The following MICU3 variants were observed in gnomAD, a reference collection of about 807,000 sequenced individuals.
The protein encoded by MICU3 is mitochondrial calcium uptake 3.
Under a neutral mutation model 66.5 loss-of-function variants are expected in MICU3, and 62 were observed. The observed-to-expected ratio is 0.93, with a 90% CI of 0.76 to 1.15. The LOEUF is 1.15. MICU3 is among the 50% of genes most tolerant of loss of function. The pLI is 0.00. For synonymous variants in MICU3, 308 were observed against 240.7 expected, an observed-to-expected ratio of 1.28 and a Z score of -2.59; for missense variants, 779 against 664.4, an observed-to-expected ratio of 1.17 and a Z score of -1.90.
chr8:17,056,882 G>A (rs1206402001), intron 1 of MICU3, among the ~76,000 whole-genome samples: 3 of 152,198 alleles, frequency 2.0e-5, no homozygotes, highest in Non-Finnish European at 4.4e-5. Flanking sequence ...AAGTATTGGA[G>A]TCATCGCCAG....
chr8:17,059,483 ACAT>A (rs1312310165), intron 1 of MICU3, among the ~76,000 whole-genome samples: 1 of 152,210 alleles, frequency 6.6e-6, no homozygotes, highest in East Asian at 1.9e-4. Context: ...ATAATATTCA[ACAT>A]CATTTTTATA....
intron 8 of MICU3, among the ~76,000 whole-genome samples, chr8:17,096,767 G>T (rs1448146758): frequency 6.6e-6 from 1 of 151,704 alleles, no homozygotes; most frequent in Non-Finnish European, 1.5e-5. Flanking sequence ...AATTTGAAAA[G>T]TTGTATATTA....
chr8:17,096,252 A>C (rs934470914), intron 8 of MICU3, among the ~76,000 whole-genome samples: 6 of 151,912 alleles, frequency 3.9e-5, no homozygotes, highest in African/African-American at 1.4e-4. Flanking sequence ...GCCTTTCCTT[A>C]CTTAGCCTGT....
intron 1 of MICU3, among the ~76,000 whole-genome samples, chr8:17,063,469 G>C (rs1304842290): frequency 1.3e-5 from 2 of 152,032 alleles, no homozygotes; most frequent in Non-Finnish European, 2.9e-5. Flanking sequence ...TTACTTCAGA[G>C]AGAAAATAAC....
intron 11 of MICU3, 56 bp from the exon 12 acceptor site, chr8:17,114,037 T>A (rs878868931): frequency 9.7e-7 from 1 of 1,033,426 alleles, no homozygotes; most frequent in Non-Finnish European, 1.4e-6. Flanking sequence ...GTGTAGATCC[T>A]GATTTTAATA....
intron 1 of MICU3, among the ~76,000 whole-genome samples, chr8:17,049,179 A>T (rs1815632843): frequency 6.6e-6 from 1 of 152,182 alleles, no homozygotes; most frequent in African/African-American, 2.4e-5. Flanking sequence ...TAACCCATTT[A>T]TGCCTAGTGT....
chr8:17,137,687 G>A, the MICU3 span, among the ~76,000 whole-genome samples: 1 of 142,746 alleles, frequency 7.0e-6, no homozygotes, highest in Non-Finnish European at 1.5e-5. Flanking sequence ...ACAAGGGAAA[G>A]AGTAATATTT....
At chr8:17,040,480 G>T (rs1016992869) in intron 1 of MICU3, among the ~76,000 whole-genome samples, 29 of 152,180 alleles carry the variant, frequency 1.9e-4, no homozygotes, top group African/African-American at 6.7e-4. Context: ...TAACAGAAGG[G>T]GAAAATAATA....
intron 1 of MICU3, 122 bp from the exon 2 acceptor site, chr8:17,063,962 A>G: frequency 1.7e-6 from 1 of 573,552 alleles, no homozygotes; most frequent in Admixed American, 3.2e-5. Context: ...CGTTTTTCAG[A>G]AGACGATATT....
At chr8:17,040,680 T>C (rs918129552) in intron 1 of MICU3, among the ~76,000 whole-genome samples, 3 of 152,242 alleles carry the variant, frequency 2.0e-5, no homozygotes, top group Non-Finnish European at 4.4e-5. Context: ...ATCCTTAGAC[T>C]TCAGTATTAG....
chr8:17,137,119 G>A, the MICU3 span, among the ~76,000 whole-genome samples: 55,876 of 151,784 alleles, frequency 0.37, 11,608 homozygotes, highest in East Asian at 0.92. Context: ...CACCACTCCC[G>A]TCCAAACCTT....
At chr8:17,132,706 C>T in the MICU3 span, 1 of 152,124 alleles carries the variant, frequency 6.6e-6, no homozygotes, top group Non-Finnish European at 1.5e-5. Context: ...AACCATGTTC[C>T]CTTTAAGAAC....
chr8:17,116,358 A>G (rs1802676926), intron 12 of MICU3, 85 bp from the exon 13 acceptor site: 1 of 893,786 alleles, frequency 1.1e-6, no homozygotes, highest in Non-Finnish European at 1.6e-6. Context: ...TTTAGAAAAC[A>G]ACTTCTTTTA....
downstream of MICU3, among the ~76,000 whole-genome samples, chr8:17,126,983 G>A (rs1394904245): frequency 6.6e-6 from 1 of 152,152 alleles, no homozygotes; most frequent in African/African-American, 2.4e-5. Flanking sequence ...ATCTAATTCA[G>A]TATGGCATTT....
chr8:17,066,618 C>T (rs1241069700), intron 2 of MICU3, among the ~76,000 whole-genome samples: 1 of 147,186 alleles, frequency 6.8e-6, no homozygotes, highest in Non-Finnish European at 1.5e-5. Flanking sequence ...TCACTACTCA[C>T]TACAACCTCA....
chr8:17,137,807 C>G, the MICU3 span, among the ~76,000 whole-genome samples: 3 of 149,572 alleles, frequency 2.0e-5, no homozygotes, highest in Admixed American at 2.0e-4. Context: ...ACCTCCGATT[C>G]CCAGATTCAA....
intron 1 of MICU3, among the ~76,000 whole-genome samples, chr8:17,057,736 G>C (rs1817166339): frequency 6.6e-6 from 1 of 152,078 alleles, no homozygotes; most frequent in East Asian, 1.9e-4. Context: ...TTTCAGTTTA[G>C]CAATTTATGG....
In MICU3 at chr8:17,029,563, A is replaced by T. The variant is rs575985205; in HGVS notation, c.381+1903A>T. On this transcript the variant is annotated intron_variant, in intron 1 of 14. Coordinates refer to ENST00000318063, the MANE Select transcript of MICU3 (RefSeq NM_181723.3). ...TTAGTGTTTATAAAAATTTCTGTTC[A>T]TTGTTTTAGAAGTCAAATAATGTTA... Among the ~76,000 whole-genome samples, 4 of 152,184 alleles carry T rather than the reference A, an allele frequency of 2.6e-5. No individual in the cohort carries two copies. The South Asian group carries it at 8.3e-4, about 32-fold the overall frequency.
At chr8:17,050,519 C>G (rs894183386) in intron 1 of MICU3, among the ~76,000 whole-genome samples, 1 of 152,028 alleles carries the variant, frequency 6.6e-6, no homozygotes, top group Non-Finnish European at 1.5e-5. Context: ...GCAAAATTAA[C>G]AAGCACCTTA....
Sources: gnomAD v4.1 joint callset for allele counts (sites outside exome capture counted in the v4.1 genomes callset) on GRCh38, gnomAD v4.1.1 for gene constraint, MANE v1.5 for transcripts, NCBI Gene and HGNC (gene_info 2026-07-23, HGNC 2026-07-21) for gene names.